CCDC91: variants seen among roughly 807,000 people sequenced by gnomAD.
CCDC91 encodes the protein coiled-coil domain containing 91, also known as coiled-coil domain-containing protein 91.
A neutral mutation model predicts 63.2 loss-of-function variants in CCDC91; 48 were observed. That is an observed-to-expected ratio of 0.76 (90% confidence interval 0.60 to 0.97). The LOEUF (loss-of-function observed/expected upper bound fraction) is 0.97, where lower values mean the gene tolerates loss of function less well. Ranked by LOEUF, CCDC91 falls within the 50% of genes least tolerant of loss-of-function variation. CCDC91 has a pLI of 0.00. For missense variants in CCDC91, 500 were observed against 494.6 expected, an observed-to-expected ratio of 1.01 and a Z score of -0.10; for synonymous variants, 167 against 165.8, an observed-to-expected ratio of 1.01 and a Z score of -0.06.
At chr12:28,488,762 A>C (rs1227358884) in intron 12 of CCDC91, among the ~76,000 whole-genome samples, 3 of 151,934 alleles carry the variant, frequency 2.0e-5, no homozygotes, top group Non-Finnish European at 4.4e-5. Flanking sequence ...AAAGATTTAA[A>C]AATATATTTA....
chr12:28,280,981 A>C (rs1214611296), intron 3 of CCDC91, among the ~76,000 whole-genome samples: 1 of 152,062 alleles, frequency 6.6e-6, no homozygotes, highest in African/African-American at 2.4e-5. Flanking sequence ...TGTCTAAAAA[A>C]ATAAATAAAT....
intron 1 of CCDC91, among the ~76,000 whole-genome samples, chr12:28,199,773 T>C (rs1208388212): frequency 2.6e-5 from 4 of 152,236 alleles, no homozygotes; most frequent in Non-Finnish European, 4.4e-5. Flanking sequence ...TTCCACTGCC[T>C]CTGGCCTCCG....
chr12:28,423,902 A>G (rs1948157171), intron 8 of CCDC91, among the ~76,000 whole-genome samples: 1 of 152,204 alleles, frequency 6.6e-6, no homozygotes, highest in Non-Finnish European at 1.5e-5. Flanking sequence ...TACTTCTAAA[A>G]GGTTGTATTC....
At chr12:28,333,079 G>A (rs759605255) in intron 6 of CCDC91, among the ~76,000 whole-genome samples, 1 of 152,076 alleles carries the variant, frequency 6.6e-6, no homozygotes, top group African/African-American at 2.4e-5. Flanking sequence ...CTGAGAATGT[G>A]TATGTTGGGC....
intron 8 of CCDC91, among the ~76,000 whole-genome samples, chr12:28,426,713 T>A (rs1278759710): frequency 5.9e-5 from 9 of 152,158 alleles, no homozygotes; most frequent in Non-Finnish European, 1.2e-4. Context: ...TTGCATATTG[T>A]CTGCTTTTTC....
At position 28,242,575 on chromosome 12, in the gene CCDC91, GGAGA is replaced by G. The variant is rs553540651; in HGVS notation, c.-14-14614_-14-14611del. Among the ~76,000 whole-genome samples, 6 of 151,704 alleles carry G rather than the reference GGAGA, an allele frequency of 4.0e-5. No individual in the cohort carries two copies. The South Asian group carries it at 6.3e-4, about 16-fold the overall frequency. ...ACTTGGAGGCTCCACCAGTGGGTGG[GGAGA>G]GAGAGAGAGAGAAAGAGAGGGAGAG... On this transcript the variant is annotated intron_variant, in intron 1 of 12. Transcript: ENST00000536442.
At chr12:28,355,081 A>G (rs1417797305) in intron 6 of CCDC91, among the ~76,000 whole-genome samples, 9 of 149,148 alleles carry the variant, frequency 6.0e-5, no homozygotes, top group Non-Finnish European at 1.3e-4. Flanking sequence ...CTCTTCCTAC[A>G]TCGTTTTCTT....
chr12:28,305,494 T>G (rs1047779897), intron 3 of CCDC91, among the ~76,000 whole-genome samples, 155 bp from the exon 4 acceptor site: 15 of 152,104 alleles, frequency 9.9e-5, no homozygotes, highest in African/African-American at 3.4e-4. Context: ...CCCTGAGGAA[T>G]AGTCATAGAA....
At chr12:28,450,660 CAT>C (rs1206670794) in intron 10 of CCDC91, among the ~76,000 whole-genome samples, 2 of 151,700 alleles carry the variant, frequency 1.3e-5, no homozygotes, top group African/African-American at 4.8e-5. Flanking sequence ...TTATAAAGAA[CAT>C]ATATGTTGCA....
chr12:28,549,336 T>G lies in CCDC91; in HGVS notation c.*163T>G. The G allele has an allele frequency of 2.1e-6, 1 of 473,600 alleles. No homozygotes were observed. Among genetic ancestry groups the G allele is most frequent in the Non-Finnish European group, 3.9e-6 (1 of 258,626 alleles). 29.3% of individuals were successfully genotyped at this position (473,600 alleles called of 1,614,324 possible). ...CAATATTTAGAACTATCAAGTGATC[T>G]AATTTATTTTCTTTTGGTTTCTTCT... is the stretch of plus-strand genomic sequence containing the variant. On this transcript the variant is annotated 3_prime_UTR_variant, in exon 13 of 13. Transcript: ENST00000536442.
chr12:28,294,180 T>C (rs1189741393), intron 3 of CCDC91, among the ~76,000 whole-genome samples: 1 of 152,192 alleles, frequency 6.6e-6, no homozygotes, highest in Non-Finnish European at 1.5e-5. Context: ...CACACAAAAA[T>C]ACTGCACAGC....
chr12:28,408,073 C>T (rs560960373), intron 8 of CCDC91, among the ~76,000 whole-genome samples: 8 of 151,582 alleles, frequency 5.3e-5, no homozygotes, highest in Admixed American at 4.0e-4. Context: ...CCTATCAACC[C>T]GTCATCTAAG....
At chr12:28,208,883 C>G (rs900054573) in intron 1 of CCDC91, among the ~76,000 whole-genome samples, 2 of 152,160 alleles carry the variant, frequency 1.3e-5, no homozygotes, top group African/African-American at 4.8e-5. Context: ...TCACTGCAAG[C>G]TCTGCCTCCC....
chr12:28,206,578 A>G (rs1420125529), intron 1 of CCDC91, among the ~76,000 whole-genome samples: 2 of 152,322 alleles, frequency 1.3e-5, no homozygotes, highest in East Asian at 3.9e-4. Context: ...CAAATAGATC[A>G]GAGAATGAGC....
In CCDC91 at chr12:28,391,337, G is replaced by A; in HGVS notation, c.688G>A (p.Glu230Lys). ...GCAGTCTTCAGTTAAGCAACAAGTA[G>A]AAGCTATTGAAAAACAGTACATTTC... is the stretch of plus-strand genomic sequence containing the variant. ...LLQSSVKQQV[E>K]AIEKQYISAI... The change falls in exon 8 of 13, where the codon GAA becomes AAA. Residue 230 changes from glutamate (E) to lysine (K), a missense_variant. By Grantham distance (56) the Glu-to-Lys change is moderately conservative. Coordinates refer to ENST00000536442, the MANE Select transcript of CCDC91 (RefSeq NM_018318.5). 6.2e-7 allele frequency: 1 copy of A among 1,613,030 alleles called. No homozygotes were observed.
At chr12:28,292,089 T>C (rs571160058) in intron 3 of CCDC91, among the ~76,000 whole-genome samples, 2 of 152,352 alleles carry the variant, frequency 1.3e-5, no homozygotes, top group African/African-American at 2.4e-5. Flanking sequence ...ATTGCTCATA[T>C]TTGCTTTTTG....
chr12:28,245,142 T>G (rs1945643080), intron 1 of CCDC91, among the ~76,000 whole-genome samples: 1 of 152,112 alleles, frequency 6.6e-6, no homozygotes, highest in African/African-American at 2.4e-5. Flanking sequence ...TAGGGCTCAC[T>G]CACTATCATA....
chr12:28,232,182 G>C (rs1051104904), intron 1 of CCDC91, among the ~76,000 whole-genome samples: 42 of 152,146 alleles, frequency 2.8e-4, no homozygotes, highest in African/African-American at 9.9e-4. Flanking sequence ...AAATGTAGGA[G>C]ATTCTTTTTA....
chr12:28,223,754 G>A (rs1395050247), intron 1 of CCDC91, among the ~76,000 whole-genome samples: 2 of 152,184 alleles, frequency 1.3e-5, no homozygotes, highest in African/African-American at 2.4e-5. Context: ...GCACTTTTGA[G>A]TTAGATTTAA....
Sources: gnomAD v4.1 joint callset for allele counts (sites outside exome capture counted in the v4.1 genomes callset) on GRCh38, gnomAD v4.1.1 for gene constraint, MANE v1.5 for transcripts, NCBI Gene and HGNC (gene_info 2026-07-23, HGNC 2026-07-21) for gene names.